VPS13D: variants seen among roughly 807,000 people sequenced by gnomAD.
VPS13D encodes the protein vacuolar protein sorting 13 homolog D, also known as intermembrane lipid transfer protein VPS13D.
Under a neutral mutation model 461.9 loss-of-function variants are expected in VPS13D, and 187 were observed. That is an observed-to-expected ratio of 0.40 (90% CI 0.36 to 0.46). The LOEUF is 0.46. Ranked by LOEUF, VPS13D falls within the 20% of genes least tolerant of loss-of-function variation. The pLI, the probability that VPS13D is intolerant of heterozygous loss-of-function variation, is 0.60. For synonymous variants in VPS13D, 1,951 were observed against 1,986.3 expected, an observed-to-expected ratio of 0.98 and a Z score of 0.47; for missense variants, 4,711 against 5,364.9, an observed-to-expected ratio of 0.88 and a Z score of 3.81.
chr1:12,252,055 C>T (rs1428774386), intron 6 of VPS13D, among the ~76,000 whole-genome samples: 2 of 152,094 alleles, frequency 1.3e-5, no homozygotes, highest in Non-Finnish European at 2.9e-5. Flanking sequence ...CCTCTGCCTC[C>T]GTCTTCATGT....
In VPS13D at chr1:12,283,425, G is replaced by T; in HGVS notation, c.5323G>T (p.Val1775Phe). 1 of 1,614,200 alleles carries T rather than the reference G, an allele frequency of 6.2e-7. No homozygotes were observed. Among genetic ancestry groups the T allele is most frequent in the Non-Finnish European group, 8.5e-7 (1 of 1,180,030 alleles). Residue 1775 changes from valine to phenylalanine, a missense_variant, in exon 21 of 70, where the codon GTT (valine) becomes TTT (phenylalanine). Around this residue, in one of 3 missense-constraint regions of VPS13D, gnomAD observed 4,411 missense variants for 4,937.8 expected, o/e 0.89. Transcript: ENST00000620676. Reference sequence around the variant, plus strand: ...AACAGTGGATGAGCCCAAGATACTTGTTGGAAAGAGTAAATTTGATGATTC... The same window carrying T: ...AACAGTGGATGAGCCCAAGATACTTTTTGGAAAGAGTAAATTTGATGATTC... ...SPTVDEPKIL[V>F]GKSKFDDSLV...
intron 65 of VPS13D, chr1:12,453,706 C>G (rs780217255): frequency 1.3e-5 from 2 of 152,120 alleles, no homozygotes; most frequent in Non-Finnish European, 2.9e-5. Flanking sequence ...ACGATTGTTA[C>G]CTTCTCAAAG....
At chr1:12,478,861 A>C (rs1369898321) in intron 67 of VPS13D, 1 of 456,050 alleles carries the variant, frequency 2.2e-6, no homozygotes, top group Admixed American at 2.3e-5. Context: ...AGGAGGCCGC[A>C]TCGGTGGCAG....
chr1:12,358,000 C>T (rs1643901517), intron 49 of VPS13D, among the ~76,000 whole-genome samples: 1 of 147,564 alleles, frequency 6.8e-6, no homozygotes, highest in Non-Finnish European at 1.5e-5. Flanking sequence ...CAAGATTCCA[C>T]CTCAAAAAAA....
rs946977009 is a variant in VPS13D, at chr1:12,511,119, G to C, written c.*2095G>C. ...TAGCTGCGGGCTGCCCTGTGGGCTG[G>C]TGCTTCAGGAGGAATCCAGAGAAGT... On this transcript the variant is annotated 3_prime_UTR_variant, in exon 70 of 70. Coordinates refer to ENST00000620676, the MANE Select transcript of VPS13D (RefSeq NM_015378.4). This position sits in a 1 kb window ranked among gnomAD's most constrained non-coding sequence, Gnocchi z 4.5. The C allele has an allele frequency of 6.6e-6, 1 of 152,272 alleles. No individual in the cohort carries two copies. Among genetic ancestry groups the C allele is most frequent in the African/African-American group, 2.4e-5 (1 of 41,460 alleles). 9.4% of individuals were successfully genotyped at this position (152,272 alleles called of 1,614,324 possible).
At chr1:12,239,054 G>A (rs1463118297) in intron 2 of VPS13D, among the ~76,000 whole-genome samples, 1 of 152,198 alleles carries the variant, frequency 6.6e-6, no homozygotes, top group East Asian at 1.9e-4. Flanking sequence ...GGCATCATGC[G>A]ATGGGGTGTG....
At chr1:12,456,166 G>C in intron 66 of VPS13D, 36 bp downstream of exon 66, 7 of 1,575,348 alleles carry the variant, frequency 4.4e-6, no homozygotes, top group Non-Finnish European at 5.1e-6. Context: ...TGCTGCTGCT[G>C]GTCCTCAGAG....
chr1:12,237,656 A>G (rs1400362599), intron 2 of VPS13D, among the ~76,000 whole-genome samples: 2 of 147,422 alleles, frequency 1.4e-5, no homozygotes, highest in African/African-American at 5.0e-5. Context: ...CCTTCTCTAA[A>G]AAAAAAAATA....
chr1:12,459,515 G>A (rs1238546354), intron 66 of VPS13D, among the ~76,000 whole-genome samples: 3 of 144,990 alleles, frequency 2.1e-5, no homozygotes, highest in Admixed American at 1.4e-4. Context: ...AGTCTCGCTC[G>A]GTCGCCAGAC....
In VPS13D at chr1:12,386,179, T is replaced by A; in HGVS notation, c.11485-6T>A. 1 of 1,607,918 alleles carries A rather than the reference T, an allele frequency of 6.2e-7. No homozygotes were observed. Among genetic ancestry groups the A allele is most frequent in the Non-Finnish European group, 8.5e-7 (1 of 1,177,378 alleles). ...ATCAGGGTGCCATATTTTGGTTTCC[T>A]TTCAGGTGCTTGTGAGGTTAGAAGG... is the stretch of plus-strand genomic sequence containing the variant. On this transcript the variant is annotated splice_region_variant and splice_polypyrimidine_tract_variant and intron_variant, in intron 59 of 69. Transcript: ENST00000620676.
intron 2 of VPS13D, among the ~76,000 whole-genome samples, chr1:12,241,285 A>G (rs1177604463): frequency 6.6e-6 from 1 of 152,212 alleles, no homozygotes. Context: ...GTCCTGAACA[A>G]TCATTTAAAG....
chr1:12,342,832 C>T (rs908034342), intron 41 of VPS13D, 67 bp from the exon 42 acceptor site: 72 of 1,521,050 alleles, frequency 4.7e-5, no homozygotes, highest in Admixed American at 6.9e-5. Flanking sequence ...CTCTTCTGCA[C>T]GGGGCTCCTG....
chr1:12,322,687 C>G lies in VPS13D; in HGVS notation c.7856C>G (p.Ala2619Gly). ...SDSVGTYLPG[A>G]SRVGEEIREG... ...TCCGTTGGCACTTACCTTCCAGGTG[C>G]ATCTCGCGTTGGAGAGGAAATCAGA... The change falls in exon 34 of 70, where the codon GCA (alanine) becomes GGA (glycine). Residue 2619 changes from alanine (A) to glycine (G), a missense_variant. By Grantham distance (60) the Ala-to-Gly change is moderately conservative. Coordinates refer to ENST00000620676, the MANE Select transcript of VPS13D (RefSeq NM_015378.4). The G allele has an allele frequency of 6.2e-7, 1 of 1,614,202 alleles. No homozygotes were observed. The highest frequency in any genetic ancestry group is 1.3e-5 in the African/African-American group (1 of 75,048).
At chr1:12,476,113 C>T (rs1001433637) in intron 67 of VPS13D, among the ~76,000 whole-genome samples, 1 of 152,184 alleles carries the variant, frequency 6.6e-6, no homozygotes, top group African/African-American at 2.4e-5. Context: ...GAAGCGTGCA[C>T]ACCAGTGAGT....
At chr1:12,383,925 G>C (rs897859451) in intron 58 of VPS13D, among the ~76,000 whole-genome samples, 3 of 152,224 alleles carry the variant, frequency 2.0e-5, no homozygotes, top group Non-Finnish European at 2.9e-5. Flanking sequence ...GTGGCACACA[G>C]AATGTGGTAA....
At chr1:12,406,139 A>G (rs1165417653) in intron 63 of VPS13D, among the ~76,000 whole-genome samples, 4 of 152,194 alleles carry the variant, frequency 2.6e-5, no homozygotes, top group African/African-American at 4.8e-5. Flanking sequence ...CGCCGAGTGT[A>G]GTAAGTTAAT....
intron 2 of VPS13D, among the ~76,000 whole-genome samples, chr1:12,239,971 G>C (rs954464293): frequency 4.6e-5 from 7 of 152,068 alleles, no homozygotes; most frequent in Admixed American, 2.0e-4. Context: ...GTGTTTTTCT[G>C]CTTGGCTCTT....
rs953531671 is a variant in VPS13D at position 12,277,417 on chromosome 1, A to C, written c.3829A>C (p.Arg1277=). The change falls in exon 19 of 70, where the codon AGA becomes CGA. Residue 1277 remains arginine (R), a synonymous_variant. Transcript: ENST00000620676. ...AGCTTTGAGTTTCACGTTTGTTGAG[A>C]GATCTAAACAGGAGTGTTTTCTCAA... The part of the protein sequence containing the change: ...TEALSFTFVE[R]SKQECFLNLK... 4.3e-6 allele frequency: 7 copies of C among 1,614,064 alleles called. No individual in the cohort carries two copies. The highest frequency in any genetic ancestry group is 4.0e-5 in the African/African-American group (3 of 74,928).
At chr1:12,370,091 A>G (rs972493980) in intron 54 of VPS13D, among the ~76,000 whole-genome samples, 1 of 152,230 alleles carries the variant, frequency 6.6e-6, no homozygotes. Flanking sequence ...CTGGTTAAGC[A>G]GACACCTAAG....
Sources: gnomAD v4.1 joint callset for allele counts (sites outside exome capture counted in the v4.1 genomes callset) on GRCh38, gnomAD v4.1.1 for gene constraint, gnomAD v4.1.1 regional missense constraint, Gnocchi (gnomAD v3.1) non-coding constraint, MANE v1.5 for transcripts, NCBI Gene and HGNC (gene_info 2026-07-23, HGNC 2026-07-21) for gene names.